The following DMD variants were observed in gnomAD, a reference collection of about 807,000 sequenced individuals.
The protein encoded by DMD is dystrophin.
Under a neutral mutation model 330.1 loss-of-function variants are expected in DMD, and 63 were observed. The ratio of observed to expected loss-of-function variants is 0.19; its 90% CI spans 0.16 to 0.24. The LOEUF is 0.24. DMD is among the 10% of genes least tolerant of loss of function. The probability of loss-of-function intolerance (pLI) is 1.00; values close to 1 mark genes in which losing one functional copy is unlikely to be tolerated. For missense variants in DMD, 3,344 were observed against 2,684.1 expected, an observed-to-expected ratio of 1.25 and a Z score of -5.43; for synonymous variants, 1,223 against 959.8, an observed-to-expected ratio of 1.27 and a Z score of -5.07.
intron 42 of DMD, among the ~76,000 whole-genome samples, chrX:32,287,926 T>C (rs781396376): frequency 9.0e-6 from 1 of 110,641 alleles, no homozygotes; most frequent in South Asian, 3.9e-4. Context: ...TCCCTACATC[T>C]TAAAACTGCC....
At chrX:33,263,433 T>TAAA (rs1224053908) in intron 1 of DMD, among the ~76,000 whole-genome samples, 2,878 of 105,157 alleles carry the variant, frequency 0.027, 109 homozygotes, top group African/African-American at 0.1. Context: ...GAGAGCTTTT[T>TAAA]AAAAAATATA....
chrX:32,137,363 G>A (rs1399719583), intron 44 of DMD, among the ~76,000 whole-genome samples: 2 of 111,526 alleles, frequency 1.8e-5, no homozygotes, highest in Non-Finnish European at 3.8e-5. Flanking sequence ...ACCTAGGGAT[G>A]GAAAAAACTC....
At chrX:32,539,952 T>C (rs989544018) in intron 17 of DMD, among the ~76,000 whole-genome samples, 2 of 112,021 alleles carry the variant, frequency 1.8e-5, no homozygotes, top group African/African-American at 6.5e-5. Flanking sequence ...AAAATGCCTC[T>C]ACATTATCCT....
At chrX:32,543,856 T>C (rs1437173894) in intron 17 of DMD, among the ~76,000 whole-genome samples, 2 of 111,906 alleles carry the variant, frequency 1.8e-5, no homozygotes, top group Admixed American at 1.9e-4. Context: ...CTTTGTGGAC[T>C]ATACAGTTTG....
chrX:32,539,373 A>G (rs2048292121), intron 17 of DMD, among the ~76,000 whole-genome samples: 1 of 110,993 alleles, frequency 9.0e-6, no homozygotes. Flanking sequence ...TAACCTGTAA[A>G]CATGCATAAG....
intron 61 of DMD, among the ~76,000 whole-genome samples, chrX:31,340,473 C>A (rs1257569097): frequency 8.9e-6 from 1 of 111,965 alleles, no homozygotes; most frequent in East Asian, 2.8e-4. Context: ...GATGCAATAA[C>A]TGTTTGTCTT....
chrX:33,088,228 G>A (rs770126335), intron 1 of DMD, among the ~76,000 whole-genome samples: 2 of 110,602 alleles, frequency 1.8e-5, no homozygotes, highest in Non-Finnish European at 3.8e-5. Context: ...ATTTTTAGTA[G>A]AGACAGGGGT....
At chrX:33,048,932 G>C (rs2094423979) in intron 1 of DMD, among the ~76,000 whole-genome samples, 1 of 110,689 alleles carries the variant, frequency 9.0e-6, no homozygotes, top group African/African-American at 3.3e-5. Flanking sequence ...ATCTCAACTT[G>C]TGCTCTTTCT....
At chrX:31,349,803 G>A (rs752586300) in intron 60 of DMD, among the ~76,000 whole-genome samples, 4 of 111,899 alleles carry the variant, frequency 3.6e-5, no homozygotes, top group Non-Finnish European at 7.5e-5. Context: ...TGCTAAACTA[G>A]GGGTTGATCA....
At chrX:31,216,608 T>C (rs2045436109) in intron 64 of DMD, among the ~76,000 whole-genome samples, 1 of 112,072 alleles carries the variant, frequency 8.9e-6, no homozygotes, top group South Asian at 3.8e-4. Flanking sequence ...CCCCTTGCTG[T>C]GGAGGCAGCC....
chrX:31,844,208 T>C (rs924673618), intron 48 of DMD, among the ~76,000 whole-genome samples: 4 of 111,540 alleles, frequency 3.6e-5, no homozygotes, highest in Non-Finnish European at 5.6e-5. Context: ...AATTTTTGTA[T>C]ATAGTGAAAG....
intron 44 of DMD, among the ~76,000 whole-genome samples, chrX:32,086,569 A>G (rs1169036480): frequency 9.0e-6 from 1 of 111,449 alleles, no homozygotes; most frequent in African/African-American, 3.3e-5. Context: ...CACAATCATC[A>G]TCACTGTGGA....
chrX:32,491,325 G>A lies in DMD; in HGVS notation c.2574C>T (p.Thr858=), dbSNP rs370399617. Residue 858 remains threonine (T), a synonymous_variant, in exon 20 of 79, where the codon ACC becomes ACT. Transcript: ENST00000357033. ...TAENWLKIQP[T]TPSEPTAIKS... The stretch of plus-strand genomic sequence containing the variant: ...TAATTGCTGTTGGCTCTGATGGGGT[G>A]GTGGGTTGGATTTTCAACCAGTTTT... The A allele has an allele frequency of 3.3e-6, 4 of 1,211,115 alleles. No individual in the cohort carries two copies. Among genetic ancestry groups the A allele is most frequent in the Non-Finnish European group, 4.5e-6 (4 of 895,043 alleles).
chrX:32,683,570 A>G (rs1464521312), intron 9 of DMD, among the ~76,000 whole-genome samples: 18 of 100,888 alleles, frequency 1.8e-4, no homozygotes, highest in African/African-American at 6.5e-4. Context: ...GCATGTTCTC[A>G]CTCATAGGTG....
At chrX:32,647,261 G>A (rs2059841430) in intron 9 of DMD, among the ~76,000 whole-genome samples, 1 of 111,919 alleles carries the variant, frequency 8.9e-6, no homozygotes, top group South Asian at 3.7e-4. Context: ...AGAGGAGACA[G>A]GTGGTATAAT....
intron 44 of DMD, among the ~76,000 whole-genome samples, chrX:31,975,668 C>T (rs948502186): frequency 8.9e-6 from 1 of 111,822 alleles, no homozygotes; most frequent in Non-Finnish European, 1.9e-5. Flanking sequence ...TTGCACGTAA[C>T]TCAAAAAACA....
At chrX:31,974,494 C>A (rs748479248) in intron 44 of DMD, among the ~76,000 whole-genome samples, 18 of 110,361 alleles carry the variant, frequency 1.6e-4, no homozygotes, top group African/African-American at 5.6e-4. Context: ...TTAGCCTCTT[C>A]TTTCTCCTGT....
At chrX:32,956,632 T>A (rs917286573) in intron 2 of DMD, among the ~76,000 whole-genome samples, 4 of 111,647 alleles carry the variant, frequency 3.6e-5, no homozygotes, top group African/African-American at 1.3e-4. Context: ...AGATATAGCA[T>A]CATGTTGTCT....
chrX:31,590,944 CT>C (rs2076841494), intron 55 of DMD, among the ~76,000 whole-genome samples: 1 of 111,371 alleles, frequency 9.0e-6, no homozygotes, highest in East Asian at 2.8e-4. Context: ...AGTTCTTTTC[CT>C]TTTGGTTTAA....
Sources: allele counts gnomAD v4.1 joint callset (sites outside exome capture counted in the v4.1 genomes callset), GRCh38; gene constraint gnomAD v4.1.1; transcripts MANE v1.5; gene names NCBI Gene and HGNC (gene_info 2026-07-23, HGNC 2026-07-21).